Variants in IMPDH1 observed in about 807,000 individuals in gnomAD.
IMPDH1 encodes the protein inosine monophosphate dehydrogenase 1.
In IMPDH1, 41 loss-of-function variants were observed where a neutral mutation model predicts 73.5. The observed-to-expected ratio is 0.56, with a 90% CI of 0.43 to 0.72. IMPDH1 has a LOEUF of 0.72. Among genes scored for constraint, IMPDH1 ranks in the 30% least tolerant of loss-of-function variants. The pLI is 0.00. For synonymous variants in IMPDH1, 318 were observed against 334.3 expected (o/e 0.95, Z 0.53); for missense variants, 645 against 824.8 (o/e 0.78, Z 2.67).
At chr7:128,402,831 T>C (rs2116688872) in intron 5 of IMPDH1, among the ~76,000 whole-genome samples, 1 of 152,362 alleles carries the variant, frequency 6.6e-6, no homozygotes, top group Admixed American at 6.5e-5. Context: ...TAATTGTTCA[T>C]TGATTCGGCT....
At chr7:128,405,977 G>A (rs1347949682) in intron 3 of IMPDH1, 112 bp from the exon 4 acceptor site, 2 of 871,572 alleles carry the variant, frequency 2.3e-6, no homozygotes, top group South Asian at 1.0e-4. Flanking sequence ...TGCTGCCGCG[G>A]GCCGGGCGGG....
At chr7:128,404,354 G>A (rs1798555990) in intron 4 of IMPDH1, among the ~76,000 whole-genome samples, 1 of 152,174 alleles carries the variant, frequency 6.6e-6, no homozygotes, top group South Asian at 2.1e-4. Context: ...AGGCCTTAGA[G>A]GTGGGACCAG....
intron 3 of IMPDH1, 94 bp from the exon 4 acceptor site, chr7:128,405,959 G>A (rs1008864293): frequency 3.1e-5 from 36 of 1,169,536 alleles, no homozygotes; most frequent in Non-Finnish European, 3.8e-5. Context: ...GCCGCGCCGC[G>A]GCCACGCTGC....
At chr7:128,403,826 A>T (rs1255358478) in intron 4 of IMPDH1, 72 bp from the exon 5 acceptor site, 10 of 1,306,346 alleles carry the variant, frequency 7.7e-6, no homozygotes, top group Non-Finnish European at 1.1e-5. Flanking sequence ...GCCATGCCAG[A>T]GGAGGCAGCA....
At chr7:128,397,054 G>A in intron 10 of IMPDH1, 32 bp from the exon 11 acceptor site, 1 of 1,483,846 alleles carries the variant, frequency 6.7e-7, no homozygotes, top group South Asian at 1.1e-5. Context: ...CTTGGGCTTA[G>A]ACAGCTGAGG....
In IMPDH1 at chr7:128,395,098, G is replaced by A. The variant is rs28580600; in HGVS notation, c.1405+33C>T. ...GCCACCCCCCCAGCTTCCAGCCCTC[G>A]CCTGCCCAATCCCCAGCACATTCTC... On this transcript the variant is annotated intron_variant, in intron 13 of 16. Coordinates refer to ENST00000338791, the MANE Select transcript of IMPDH1 (RefSeq NM_000883.4). 0.12 allele frequency: 197,268 copies of A among 1,613,794 alleles called. 13,051 individuals are homozygous for A. Among genetic ancestry groups the A allele is most frequent in the African/African-American group, 0.15 (10,927 of 75,010 alleles).
chr7:128,394,239 A>C lies in IMPDH1; in HGVS notation c.1778+39T>G. 3 of 1,562,064 alleles carry C rather than the reference A, an allele frequency of 1.9e-6. No individual in the cohort carries two copies. Among genetic ancestry groups the C allele is most frequent in the Non-Finnish European group, 2.6e-6 (3 of 1,133,324 alleles). On this transcript the variant is annotated intron_variant, in intron 16 of 16. Transcript: ENST00000338791. This position sits in a 1 kb window ranked among gnomAD's most constrained non-coding sequence, Gnocchi z 5.5. ...AACCCTGGCCCCACCTGCCCAACCC[A>C]CTGCCTCCAAGTGACAGCAAGGAGG... is the stretch of plus-strand genomic sequence containing the variant.
At chr7:128,404,708 A>G (rs2116705208) in intron 4 of IMPDH1, among the ~76,000 whole-genome samples, 1 of 152,266 alleles carries the variant, frequency 6.6e-6, no homozygotes, top group Non-Finnish European at 1.5e-5. Context: ...GAAGACTTCA[A>G]TGACAACTGT....
Position 128,394,377 on chromosome 7 carries a change from G to T in IMPDH1, c.1695-16C>A. 6.2e-7 allele frequency: 1 copy of T among 1,613,768 alleles called. No individual in the cohort carries two copies. The highest frequency in any genetic ancestry group is 8.5e-7 in the Non-Finnish European group (1 of 1,179,716). ...CATCATGGACCTAGGAGGAAGGTAG[G>T]TGGAGCAGATCAGGGCCACCAAGGG... On this transcript the variant is annotated splice_polypyrimidine_tract_variant and intron_variant, in intron 15 of 16. Coordinates refer to ENST00000338791, the MANE Select transcript of IMPDH1 (RefSeq NM_000883.4). The surrounding 1 kb of genome is among the most constrained non-coding windows in gnomAD (Gnocchi z 5.5).
chr7:128,408,853 A>G (rs1337885589), intron 3 of IMPDH1, among the ~76,000 whole-genome samples: 1 of 152,144 alleles, frequency 6.6e-6, no homozygotes, highest in East Asian at 1.9e-4. Flanking sequence ...GCCTGCCAGG[A>G]CAGGGGGGCC....
intron 4 of IMPDH1, among the ~76,000 whole-genome samples, chr7:128,405,511 G>A (rs1219378295): frequency 1.3e-5 from 2 of 152,306 alleles, no homozygotes; most frequent in East Asian, 1.9e-4. Flanking sequence ...CCTCCATGCC[G>A]CTGAGAGGAG....
Position 128,395,174 on chromosome 7 carries a change from G to C in IMPDH1, c.1362C>G (p.Thr454=), listed in dbSNP as rs62481098. 1.2e-6 allele frequency: 2 copies of C among 1,613,908 alleles called. No homozygotes were observed. Among genetic ancestry groups the C allele is most frequent in the Non-Finnish European group, 1.7e-6 (2 of 1,180,058 alleles). Residue 454 remains threonine (T), a synonymous_variant, in exon 13 of 17, where the codon ACC becomes ACG. Coordinates refer to ENST00000338791, the MANE Select transcript of IMPDH1 (RefSeq NM_000883.4). The part of the protein sequence containing the change: ...VPIIADGGIQ[T]VGHVVKALAL... The stretch of plus-strand genomic sequence containing the variant: ...CCAGGGCCTTGACCACGTGTCCCAC[G>C]GTCTGGATGCCGCCATCGGCTATGA...
chr7:128,400,308 C>T, intron 8 of IMPDH1, 25 bp downstream of exon 8: 2 of 1,611,710 alleles, frequency 1.2e-6, no homozygotes, highest in Non-Finnish European at 1.7e-6. Context: ...TACACCCAGC[C>T]CTGCTTCCCC....
At position 128,398,440 on chromosome 7, in the gene IMPDH1, G is replaced by A. The variant is rs1218568607; in HGVS notation, c.1048C>T (p.Gln350Ter). The A allele has an allele frequency of 3.1e-6, 5 of 1,613,436 alleles. No individual in the cohort carries two copies. Among genetic ancestry groups the A allele is most frequent in the Non-Finnish European group, 4.2e-6 (5 of 1,179,834 alleles). Residue 350 changes from glutamine (Q) to a stop codon, truncating the protein, a stop_gained, in exon 10 of 17, where the codon CAG (glutamine) becomes TAG (stop). Transcript: ENST00000338791. LOFTEE classifies it high-confidence loss of function. This position sits in a 1 kb window ranked among gnomAD's most constrained non-coding sequence, Gnocchi z 4.3. ...AAGACTATGACGTCGACGCCCGCCT[G>A]GGTGAGCAGGTCCAGACGGTATTTG... ...DDKYRLDLLT[Q>*]AGVDVIVLDS...
Position 128,405,750 on chromosome 7 carries a change from C to T in IMPDH1, c.353+17G>A, listed in dbSNP as rs1255878447. The T allele has an allele frequency of 2.6e-6, 4 of 1,531,954 alleles. No individual in the cohort carries two copies. The highest frequency in any genetic ancestry group is 4.0e-5 in the Admixed American group (2 of 49,962). The allele number at this position is 1,531,954 out of a possible 1,614,324, so 94.9% of individuals were successfully genotyped here. A position where few individuals can be genotyped will look rare whatever the true frequency, so the allele number is the denominator to read the frequency against. ...GCGTGGATGCGCGCACCTAGGGGTA[C>T]GAGACCCGGCGCTTACTTGTAGGTG... is the stretch of plus-strand genomic sequence containing the variant. On this transcript the variant is annotated intron_variant, in intron 4 of 16. Transcript: ENST00000338791.
intron 1 of IMPDH1, 48 bp downstream of exon 1, chr7:128,409,708 C>A: frequency 6.6e-7 from 1 of 1,523,766 alleles, no homozygotes; most frequent in South Asian, 1.2e-5. Context: ...GCGCCCTCCT[C>A]GGCCGCCCGC....
Position 128,394,846 on chromosome 7 carries a change from GT to G in IMPDH1, c.1550+42del. ...CGGTGGCATGAGCGGGCCCTGAAGG[GT>G]TGTGGGCTGATCTGCCCAGGTGGGG... On this transcript the variant is annotated intron_variant, in intron 14 of 16. Coordinates refer to ENST00000338791, the MANE Select transcript of IMPDH1 (RefSeq NM_000883.4). The surrounding 1 kb of genome is among the most constrained non-coding windows in gnomAD (Gnocchi z 5.5). The G allele has an allele frequency of 6.2e-7, 1 of 1,608,250 alleles. No individual in the cohort carries two copies. Among genetic ancestry groups the G allele is most frequent in the Non-Finnish European group, 8.5e-7 (1 of 1,178,508 alleles).
intron 3 of IMPDH1, among the ~76,000 whole-genome samples, chr7:128,408,255 G>A (rs1466432501): frequency 2.0e-5 from 3 of 152,202 alleles, no homozygotes; most frequent in Non-Finnish European, 2.9e-5. Context: ...AGGGAACCCC[G>A]AGGGCTCTAT....
At chr7:128,397,328 G>T (rs952130130) in intron 10 of IMPDH1, among the ~76,000 whole-genome samples, 1 of 152,086 alleles carries the variant, frequency 6.6e-6, no homozygotes, top group Non-Finnish European at 1.5e-5. Flanking sequence ...GCCATATCCT[G>T]TTCCCACCAA....
Sources: allele counts gnomAD v4.1 joint callset (sites outside exome capture counted in the v4.1 genomes callset), GRCh38; gene constraint gnomAD v4.1.1; non-coding constraint Gnocchi (gnomAD v3.1); transcripts MANE v1.5; gene names NCBI Gene and HGNC (gene_info 2026-07-23, HGNC 2026-07-21).